Variants in RALGPS1 observed in about 807,000 individuals in gnomAD.
RALGPS1 encodes Ral GEF with PH domain and SH3 binding motif 1.
In RALGPS1, 19 loss-of-function variants were observed where a neutral mutation model predicts 78.8. That is an observed-to-expected ratio of 0.24 (90% confidence interval 0.17 to 0.35). RALGPS1 has a LOEUF of 0.35. Among genes scored for constraint, RALGPS1 ranks in the 10% least tolerant of loss-of-function variants. The pLI is 1.00. For missense variants in RALGPS1, 454 were observed against 688.3 expected (o/e 0.66, Z 3.81); for synonymous variants, 228 against 256.3 (o/e 0.89, Z 1.06).
intron 1 of RALGPS1, among the ~76,000 whole-genome samples, chr9:126,929,160 T>A (rs1269120870): frequency 6.6e-6 from 1 of 152,198 alleles, no homozygotes; most frequent in East Asian, 1.9e-4. Context: ...ATAATAAATG[T>A]TTGAAATGAA....
At chr9:126,962,483 C>A in intron 2 of RALGPS1, 137 bp downstream of exon 2, 1 of 850,944 alleles carries the variant, frequency 1.2e-6, no homozygotes, top group Non-Finnish European at 1.9e-6. Flanking sequence ...AGGCCCCTGG[C>A]CATGCCAGGC....
chr9:127,178,690 C>T (rs997514504), intron 11 of RALGPS1, among the ~76,000 whole-genome samples: 4 of 152,208 alleles, frequency 2.6e-5, no homozygotes, highest in Non-Finnish European at 5.9e-5. Context: ...CATATGGGCA[C>T]AACCACCCCT....
intron 8 of RALGPS1, among the ~76,000 whole-genome samples, chr9:127,149,288 ATTG>A: frequency 6.6e-6 from 1 of 152,268 alleles, no homozygotes; most frequent in South Asian, 2.1e-4. Flanking sequence ...CTGGTGTCTT[ATTG>A]TTGTCTTCCA....
intron 8 of RALGPS1, among the ~76,000 whole-genome samples, chr9:127,137,668 T>G (rs2057492796): frequency 6.6e-6 from 1 of 152,226 alleles, no homozygotes; most frequent in Non-Finnish European, 1.5e-5. Context: ...GACTTATACA[T>G]CTTTTTCCCC....
At position 127,183,248 on chromosome 9, in the gene RALGPS1, C is replaced by T. The variant is rs927495266; in HGVS notation, c.910+8466C>T. Among the ~76,000 whole-genome samples, 2 of 152,238 alleles carry T rather than the reference C, an allele frequency of 1.3e-5. No individual in the cohort carries two copies. Among genetic ancestry groups the T allele is most frequent in the African/African-American group, 4.8e-5 (2 of 41,466 alleles). ...CAAACCATTTCACAGGGCCTTCTAG[C>T]TGGCAGCCGATATCGCTGATGCTTC... On this transcript the variant is annotated intron_variant, in intron 11 of 18. Transcript: ENST00000259351. The surrounding 1 kb of genome is among the most constrained non-coding windows in gnomAD (Gnocchi z 4.0).
intron 8 of RALGPS1, among the ~76,000 whole-genome samples, chr9:127,162,942 G>A (rs913338166): frequency 1.3e-5 from 2 of 152,200 alleles, no homozygotes; most frequent in Non-Finnish European, 2.9e-5. Context: ...GAGGCCTTGG[G>A]CAGGTTTCTT....
At chr9:126,928,016 C>G (rs2035459634) in intron 1 of RALGPS1, among the ~76,000 whole-genome samples, 1 of 152,134 alleles carries the variant, frequency 6.6e-6, no homozygotes, top group Admixed American at 6.5e-5. Flanking sequence ...AGTTAGAGTA[C>G]TTGGGATCTA....
In RALGPS1 at chr9:127,052,123, G is replaced by A. The variant is rs965390635; in HGVS notation, c.391-724G>A. Among the ~76,000 whole-genome samples the A allele has an allele frequency of 2.0e-5, 3 of 152,194 alleles. No homozygotes were observed. The East Asian group carries it at 5.8e-4, about 29-fold the overall frequency. ...GGATTAGGACACACAAGTAGTGGGA[G>A]CTGGGATTGGAACCAGGTCTTTTGA... On this transcript the variant is annotated intron_variant, in intron 6 of 18. Coordinates refer to ENST00000259351, the MANE Select transcript of RALGPS1 (RefSeq NM_014636.3).
chr9:126,951,531 T>C (rs1192659989), intron 1 of RALGPS1, among the ~76,000 whole-genome samples: 1 of 150,958 alleles, frequency 6.6e-6, no homozygotes, highest in Non-Finnish European at 1.5e-5. Context: ...AATCAATAAA[T>C]GTAATCCAGC....
chr9:127,107,981 G>A, intron 8 of RALGPS1: 1 of 1,578,604 alleles, frequency 6.3e-7, no homozygotes, highest in Non-Finnish European at 8.6e-7. Context: ...GGGGGTGGCA[G>A]CACCTTCAGG....
rs2062724738 is a variant in RALGPS1 at position 127,219,742 on chromosome 9, C to T, written c.*973C>T. 6.5e-6 allele frequency: 1 copy of T among 152,736 alleles called. No individual in the cohort carries two copies. The highest frequency in any genetic ancestry group is 2.1e-4 in the South Asian group (1 of 4,834). 9.5% of individuals were successfully genotyped at this position (152,736 alleles called of 1,614,324 possible). ...CTGTGCAGGAGCCATGAGGCACCAA[C>T]CTCTCCCCGCAGGGCAAAGCCTGTG... is the stretch of plus-strand genomic sequence containing the variant. On this transcript the variant is annotated 3_prime_UTR_variant, in exon 19 of 19. Coordinates refer to ENST00000259351, the MANE Select transcript of RALGPS1 (RefSeq NM_014636.3). The surrounding 1 kb of genome is among the most constrained non-coding windows in gnomAD (Gnocchi z 5.0).
At chr9:126,918,261 T>C (rs1043069998) in intron 1 of RALGPS1, among the ~76,000 whole-genome samples, 21 of 152,250 alleles carry the variant, frequency 1.4e-4, no homozygotes, top group African/African-American at 5.1e-4. Flanking sequence ...TAAACATACA[T>C]AATTCTTCAT....
intron 8 of RALGPS1, among the ~76,000 whole-genome samples, chr9:127,082,746 G>A (rs920093553): frequency 2.6e-5 from 4 of 152,118 alleles, no homozygotes; most frequent in African/African-American, 9.7e-5. Flanking sequence ...AATCCACCTC[G>A]TAGAGTTGTT....
At chr9:127,174,479 A>C (rs1039771586) in intron 10 of RALGPS1, among the ~76,000 whole-genome samples, 1 of 152,136 alleles carries the variant, frequency 6.6e-6, no homozygotes, top group African/African-American at 2.4e-5. Context: ...CAGAGTGAAC[A>C]CATCTGTGCT....
chr9:127,183,090 C>G lies in RALGPS1; in HGVS notation c.910+8308C>G, dbSNP rs192636491. ...TTTAAACAACCAGACCTCCCGTGAA[C>G]TGAGTGAGAACTCACTCATCACCAG... On this transcript the variant is annotated intron_variant, in intron 11 of 18. Coordinates refer to ENST00000259351, the MANE Select transcript of RALGPS1 (RefSeq NM_014636.3). This position sits in a 1 kb window ranked among gnomAD's most constrained non-coding sequence, Gnocchi z 4.0. Among the ~76,000 whole-genome samples, 34 of 152,296 alleles carry G rather than the reference C, an allele frequency of 2.2e-4. No individual in the cohort carries two copies. The highest frequency in any genetic ancestry group is 8.2e-4 in the African/African-American group (34 of 41,570).
chr9:126,934,021 A>G (rs972655922), intron 1 of RALGPS1, among the ~76,000 whole-genome samples: 13 of 152,078 alleles, frequency 8.5e-5, no homozygotes, highest in African/African-American at 3.1e-4. Context: ...TTCCCCATGC[A>G]CACCTTACAT....
chr9:127,067,489 T>G (rs1404709369), intron 7 of RALGPS1, among the ~76,000 whole-genome samples: 2 of 152,188 alleles, frequency 1.3e-5, no homozygotes, highest in African/African-American at 4.8e-5. Context: ...AGCCCAGGGC[T>G]CCCTAATGCA....
intron 1 of RALGPS1, chr9:126,915,415 C>CG (rs1267771999): frequency 1.9e-4 from 6 of 31,378 alleles, no homozygotes; most frequent in Admixed American, 1.7e-3. Flanking sequence ...GGGCGGGGCC[C>CG]GGGGACCTGC....
intron 8 of RALGPS1, among the ~76,000 whole-genome samples, chr9:127,082,655 T>C (rs1466800261): frequency 6.6e-6 from 1 of 152,136 alleles, no homozygotes; most frequent in Non-Finnish European, 1.5e-5. Flanking sequence ...ACATTCTGAG[T>C]GTCAGGCTGC....
Sources: allele counts gnomAD v4.1 joint callset (sites outside exome capture counted in the v4.1 genomes callset), GRCh38; gene constraint gnomAD v4.1.1; non-coding constraint Gnocchi (gnomAD v3.1); transcripts MANE v1.5; gene names NCBI Gene and HGNC (gene_info 2026-07-23, HGNC 2026-07-21).